The following KAZN variants were observed in gnomAD, a reference collection of about 807,000 sequenced individuals.
The protein encoded by KAZN is kazrin, periplakin interacting protein, also known as kazrin.
Under a neutral mutation model 87.4 loss-of-function variants are expected in KAZN, and 40 were observed. The observed-to-expected ratio is 0.46, with a 90% confidence interval of 0.36 to 0.60. KAZN has a LOEUF of 0.60. Among genes scored for constraint, KAZN ranks in the 20% least tolerant of loss-of-function variants. The pLI is 0.00. For synonymous variants in KAZN, 466 were observed against 458.3 expected, an observed-to-expected ratio of 1.02 and a Z score of -0.22; for missense variants, 898 against 1,073.9, an observed-to-expected ratio of 0.84 and a Z score of 2.29.
At chr1:14,022,254 C>T (rs373986702) in intron 1 of KAZN, among the ~76,000 whole-genome samples, 25 of 151,360 alleles carry the variant, frequency 1.7e-4, no homozygotes, top group African/African-American at 4.6e-4. Context: ...TCATTAAGTT[C>T]GGTCATGGTG....
chr1:14,032,174 A>G (rs1018367814), intron 1 of KAZN, among the ~76,000 whole-genome samples: 4 of 152,198 alleles, frequency 2.6e-5, no homozygotes, highest in Non-Finnish European at 2.9e-5. Context: ...TTAATGGGTC[A>G]GGGAACCCAA....
chr1:14,218,007 T>G (rs1423557472), intron 2 of KAZN, among the ~76,000 whole-genome samples: 2 of 152,112 alleles, frequency 1.3e-5, no homozygotes, highest in East Asian at 3.8e-4. Context: ...CATGAGCTTT[T>G]TCTGAGGAAT....
At chr1:14,408,123 G>A (rs1028609132) in intron 2 of KAZN, among the ~76,000 whole-genome samples, 12 of 152,186 alleles carry the variant, frequency 7.9e-5, no homozygotes, top group African/African-American at 2.9e-4. Flanking sequence ...CTATTAAGGT[G>A]AGAAATCTCT....
At chr1:15,020,724 G>T (rs1015004657) in intron 2 of KAZN, among the ~76,000 whole-genome samples, 1 of 152,194 alleles carries the variant, frequency 6.6e-6, no homozygotes, top group African/African-American at 2.4e-5. Context: ...AAATAGGGCC[G>T]CTGTGAACTT....
rs1191998283 is a variant in KAZN, at chr1:15,104,143, C to T, written c.2002C>T (p.Arg668Trp). The change falls in exon 13 of 15, where the codon CGG becomes TGG. Residue 668 changes from arginine (R) to tryptophan (W), a missense_variant. Physicochemically the swap from Arg to Trp is moderately radical, Grantham distance 101. Transcript: ENST00000376030. ...CATCCCCAGTGGGAAGCACATCCTC[C>T]GGAGACACCTGGCAGAGGAGATGAG... Reference protein sequence around the residue: ...LGIPSGKHILRRHLAEEMSAV... With the variant: ...LGIPSGKHILWRHLAEEMSAV... 4 of 1,605,102 alleles carry T rather than the reference C, an allele frequency of 2.5e-6. No homozygotes were observed. Among genetic ancestry groups the T allele is most frequent in the Non-Finnish European group, 3.4e-6 (4 of 1,176,238 alleles).
At chr1:14,982,614 A>G (rs886734007) in intron 2 of KAZN, among the ~76,000 whole-genome samples, 1 of 151,798 alleles carries the variant, frequency 6.6e-6, no homozygotes, top group Non-Finnish European at 1.5e-5. Context: ...TTTAGTAGAG[A>G]TGCGGTTTCA....
At position 15,094,002 on chromosome 1, in the gene KAZN, C is replaced by G. The variant is rs528353494; in HGVS notation, c.1223-178C>G. On this transcript the variant is annotated intron_variant, in intron 8 of 14. Coordinates refer to ENST00000376030, the MANE Select transcript of KAZN (RefSeq NM_201628.3). This position sits in a 1 kb window ranked among gnomAD's most constrained non-coding sequence, Gnocchi z 4.5. Reference sequence around the variant, plus strand: ...TTTCTTCTTTTCTTTTCATAGATTACTTTTGTAATGGGGGCAAGGGCAGAA... The same window carrying G: ...TTTCTTCTTTTCTTTTCATAGATTAGTTTTGTAATGGGGGCAAGGGCAGAA... Among the ~76,000 whole-genome samples, 2 of 152,068 alleles carry G rather than the reference C, an allele frequency of 1.3e-5. No individual in the cohort carries two copies. The highest frequency in any genetic ancestry group is 2.9e-5 in the Non-Finnish European group (2 of 68,002).
At chr1:14,430,474 T>A (rs1488084277) in intron 2 of KAZN, among the ~76,000 whole-genome samples, 1 of 152,170 alleles carries the variant, frequency 6.6e-6, no homozygotes, top group Non-Finnish European at 1.5e-5. Flanking sequence ...ACCCTGCCCC[T>A]GGGTCCTATT....
chr1:14,058,798 A>C (rs1642678538), intron 1 of KAZN, among the ~76,000 whole-genome samples: 1 of 152,202 alleles, frequency 6.6e-6, no homozygotes, highest in African/African-American at 2.4e-5. Context: ...CTGAGATGAT[A>C]TTTAAGCTAA....
At chr1:14,072,356 G>C (rs537439996) in intron 1 of KAZN, among the ~76,000 whole-genome samples, 2 of 152,276 alleles carry the variant, frequency 1.3e-5, no homozygotes, top group African/African-American at 4.8e-5. Context: ...TGAGTCAAGA[G>C]AGGGCAAGCC....
chr1:14,986,608 G>T (rs1572989712), intron 2 of KAZN, among the ~76,000 whole-genome samples: 1 of 152,104 alleles, frequency 6.6e-6, no homozygotes, highest in African/African-American at 2.4e-5. Flanking sequence ...CGGCTGGTAT[G>T]GGTCTCTAGC....
chr1:14,200,706 G>A (rs377465506), intron 2 of KAZN, among the ~76,000 whole-genome samples: 1 of 152,088 alleles, frequency 6.6e-6, no homozygotes, highest in South Asian at 2.1e-4. Flanking sequence ...ATCTTGTCCT[G>A]TATTCAGTAT....
intron 2 of KAZN, among the ~76,000 whole-genome samples, chr1:14,397,780 G>A (rs1377784088): frequency 6.8e-6 from 1 of 147,178 alleles, no homozygotes; most frequent in African/African-American, 2.5e-5. Context: ...AGAATCACTT[G>A]AATCTGGGAG....
At position 14,569,320 on chromosome 1, in the gene KAZN, C is replaced by CTTTTTTTTTTTTTTTTTTTT. The variant is rs35144232; in HGVS notation, c.250-29662_250-29643dup. On this transcript the variant is annotated intron_variant, in intron 2 of 16. Coordinates refer to the KAZN transcript ENST00000636203. ...TCCTCTACCTCCTCTACTTCCTCTG[C>CTTTTTTTTTTTTTTTTTTTT]TTTTTTTTTTTTTTTTTTTTGAGAC... Among the ~76,000 whole-genome samples, 11 of 92,318 alleles carry CTTTTTTTTTTTTTTTTTTTT rather than the reference C, an allele frequency of 1.2e-4. 1 individual carries two copies. The highest frequency in any genetic ancestry group is 4.1e-4 in the African/African-American group (9 of 22,062). 60.6% of individuals were successfully genotyped at this position (92,318 alleles called of 152,430 possible).
Position 14,796,027 on chromosome 1 carries a change from T to C in KAZN, c.227-164657T>C, listed in dbSNP as rs534877434. The stretch of plus-strand genomic sequence containing the variant: ...CTATCCTCCCCACCGCCTCCACTAG[T>C]GGTGAACTCCTCATGGGAGGAATCT... On this transcript the variant is annotated intron_variant, in intron 1 of 14. Coordinates refer to ENST00000376030, the MANE Select transcript of KAZN (RefSeq NM_201628.3). 1.9e-4 allele frequency among the ~76,000 whole-genome samples: 29 copies of C among 152,278 alleles called. No homozygotes were observed. The South Asian group carries it at 5.4e-3, about 28-fold the overall frequency.
chr1:14,835,239 C>T (rs1370560804), intron 1 of KAZN, among the ~76,000 whole-genome samples: 3 of 152,140 alleles, frequency 2.0e-5, no homozygotes, highest in Admixed American at 6.5e-5. Flanking sequence ...CATATGTTGC[C>T]TTAAAGGGCA....
chr1:14,960,430 A>G (rs1663701088), intron 1 of KAZN, among the ~76,000 whole-genome samples: 1 of 152,192 alleles, frequency 6.6e-6, no homozygotes, highest in Non-Finnish European at 1.5e-5. Flanking sequence ...CTCTGAGTGC[A>G]GGACAGCGGC....
chr1:14,514,425 TA>T (rs1671142533), intron 2 of KAZN, among the ~76,000 whole-genome samples: 1 of 54,448 alleles, frequency 1.8e-5, no homozygotes, highest in African/African-American at 6.6e-5. Flanking sequence ...AATATATATA[TA>T]ATATATATAA....
chr1:14,359,561 C>T (rs1659327724), intron 2 of KAZN, among the ~76,000 whole-genome samples: 1 of 152,180 alleles, frequency 6.6e-6, no homozygotes, highest in South Asian at 2.1e-4. Flanking sequence ...CACGTTTTTG[C>T]AGTGGCTGGT....
Sources: gnomAD v4.1 joint callset for allele counts (sites outside exome capture counted in the v4.1 genomes callset) on GRCh38, gnomAD v4.1.1 for gene constraint, Gnocchi (gnomAD v3.1) non-coding constraint, MANE v1.5 for transcripts, NCBI Gene and HGNC (gene_info 2026-07-23, HGNC 2026-07-21) for gene names.